CIMIP5: variants seen among roughly 807,000 people sequenced by gnomAD.
The protein encoded by CIMIP5 is uncharacterized protein C2orf50.
the CIMIP5 span, among the ~76,000 whole-genome samples, chr2:11,140,237 C>T: frequency 8.0e-5 from 12 of 150,122 alleles, no homozygotes; most frequent in Admixed American, 2.0e-4. Context: ...TAGCCAGGCG[C>T]GGTGGCGGGT....
the CIMIP5 span, among the ~76,000 whole-genome samples, chr2:11,154,565 G>A: frequency 6.6e-6 from 1 of 152,244 alleles, no homozygotes; most frequent in Non-Finnish European, 1.5e-5. Flanking sequence ...GCGATTTTCA[G>A]AGGTTGGAAA....
chr2:11,141,597 C>A, the CIMIP5 span, among the ~76,000 whole-genome samples: 1 of 152,292 alleles, frequency 6.6e-6, no homozygotes, highest in Non-Finnish European at 1.5e-5. Context: ...TCACTCCTTC[C>A]TTTGATTCAC....
chr2:11,148,730 C>CTTTTTTTTTTTT, the CIMIP5 span, among the ~76,000 whole-genome samples: 2 of 63,858 alleles, frequency 3.1e-5, no homozygotes, highest in Non-Finnish European at 2.7e-5. Flanking sequence ...CTAATGAAAA[C>CTTTTTTTTTTTT]TCTTTTTTTT....
the CIMIP5 span, among the ~76,000 whole-genome samples, chr2:11,136,135 T>C: frequency 6.6e-6 from 1 of 152,230 alleles, no homozygotes; most frequent in African/African-American, 2.4e-5. Flanking sequence ...TTGAGTTTGA[T>C]GTAATCCCAT....
At chr2:11,140,564 G>A in the CIMIP5 span, 3 of 1,551,768 alleles carry the variant, frequency 1.9e-6, no homozygotes, top group African/African-American at 1.4e-5. Flanking sequence ...GGTAAAATAT[G>A]TTCCTGCCAA....
chr2:11,136,888 A>G, the CIMIP5 span, among the ~76,000 whole-genome samples: 4 of 152,212 alleles, frequency 2.6e-5, no homozygotes, highest in African/African-American at 7.2e-5. Context: ...AACATTTACT[A>G]GAAGGGCAGA....
chr2:11,139,078 C>T, the CIMIP5 span, among the ~76,000 whole-genome samples: 7 of 152,028 alleles, frequency 4.6e-5, no homozygotes, highest in South Asian at 4.2e-4. Context: ...CCACCATGCC[C>T]GGCTAATTTT....
the CIMIP5 span, among the ~76,000 whole-genome samples, chr2:11,150,215 A>C: frequency 6.6e-6 from 1 of 152,154 alleles, no homozygotes; most frequent in African/African-American, 2.4e-5. Flanking sequence ...CTGGGATTAC[A>C]GGCGTGAGCC....
the CIMIP5 span, among the ~76,000 whole-genome samples, chr2:11,137,916 G>T: frequency 3.7e-3 from 557 of 152,298 alleles, 2 homozygotes; most frequent in African/African-American, 0.013. Flanking sequence ...TGCCATCTCG[G>T]CTCACTGCAA....
At chr2:11,148,827 T>C in the CIMIP5 span, among the ~76,000 whole-genome samples, 1 of 145,266 alleles carries the variant, frequency 6.9e-6, no homozygotes, top group Admixed American at 7.0e-5. Context: ...CTTCGCCTCC[T>C]GGGTTCAAGC....
At chr2:11,142,305 C>A in the CIMIP5 span, among the ~76,000 whole-genome samples, 4 of 149,414 alleles carry the variant, frequency 2.7e-5, no homozygotes, top group Non-Finnish European at 5.9e-5. Context: ...AAAGAACCAA[C>A]CTGGAAGATG....
the CIMIP5 span, chr2:11,144,050 A>T: frequency 1.2e-6 from 2 of 1,603,114 alleles, no homozygotes; most frequent in African/African-American, 2.7e-5. Context: ...ATCCGCATGG[A>T]CTTCTTCTTC....
the CIMIP5 span, chr2:11,145,312 G>A: frequency 6.6e-6 from 1 of 152,100 alleles, no homozygotes; most frequent in Non-Finnish European, 1.5e-5. Flanking sequence ...AAAATTTTAT[G>A]TAGAGATAGG....
At chr2:11,134,696 T>C in the CIMIP5 span, among the ~76,000 whole-genome samples, 2 of 152,264 alleles carry the variant, frequency 1.3e-5, no homozygotes, top group South Asian at 4.1e-4. Flanking sequence ...AGTTTCTTTA[T>C]TCATTTGTCA....
the CIMIP5 span, chr2:11,143,910 C>T: frequency 6.4e-7 from 1 of 1,565,962 alleles, no homozygotes; most frequent in Non-Finnish European, 8.7e-7. Context: ...GAGCTGTCCC[C>T]TCTCCTCAGG....
chr2:11,140,993 C>T, the CIMIP5 span, among the ~76,000 whole-genome samples: 1 of 152,238 alleles, frequency 6.6e-6, no homozygotes, highest in East Asian at 1.9e-4. Flanking sequence ...CAGAACTGGC[C>T]ATGTAGCTCC....
chr2:11,141,121 C>CTTTTTTTTTTT, the CIMIP5 span, among the ~76,000 whole-genome samples: 1 of 60,444 alleles, frequency 1.7e-5, no homozygotes, highest in Non-Finnish European at 2.8e-5. Context: ...CCACAACACA[C>CTTTTTTTTTTT]TTTTTTTTTT....
the CIMIP5 span, among the ~76,000 whole-genome samples, chr2:11,150,331 AT>A: frequency 1.6e-5 from 1 of 61,244 alleles, no homozygotes; most frequent in Non-Finnish European, 3.5e-5. Flanking sequence ...TGTGTTTAGG[AT>A]TTTTTTTCTT....
the CIMIP5 span, chr2:11,140,669 G>T: frequency 1.4e-6 from 1 of 696,580 alleles, no homozygotes. Flanking sequence ...GTGCAGCGAT[G>T]AGTCAAATAC....
Sources: gnomAD v4.1 joint callset for allele counts (sites outside exome capture counted in the v4.1 genomes callset) on GRCh38, gnomAD v4.1.1 for gene constraint, MANE v1.5 for transcripts, NCBI Gene and HGNC (gene_info 2026-07-23, HGNC 2026-07-21) for gene names.